Variants in SLC39A11 observed in about 807,000 individuals in gnomAD.
SLC39A11 encodes the protein solute carrier family 39 member 11, also known as zinc transporter ZIP11.
SLC39A11 carries 33 observed loss-of-function variants against 36.1 expected under a neutral mutation model. The observed-to-expected ratio is 0.91, with a 90% confidence interval of 0.69 to 1.22. The LOEUF (loss-of-function observed/expected upper bound fraction) is 1.22, where lower values mean the gene tolerates loss of function less well. Among genes scored for constraint, SLC39A11 ranks in the 50% most tolerant of loss-of-function variants. The pLI is 0.00. For missense variants in SLC39A11, 432 were observed against 430.3 expected (o/e 1.00, Z -0.03); for synonymous variants, 166 against 170.3 (o/e 0.97, Z 0.20).
chr17:72,744,044 C>T (rs971954670), intron 6 of SLC39A11, among the ~76,000 whole-genome samples: 2 of 152,224 alleles, frequency 1.3e-5, no homozygotes, highest in Non-Finnish European at 2.9e-5. Flanking sequence ...CTCCACCTCC[C>T]CATTGCCCTT....
At chr17:72,653,814 G>A (rs1209425183) in intron 7 of SLC39A11, among the ~76,000 whole-genome samples, 1 of 152,180 alleles carries the variant, frequency 6.6e-6, no homozygotes, top group Non-Finnish European at 1.5e-5. Context: ...TTTGTCCTGG[G>A]CAGCTGGGGA....
intron 4 of SLC39A11, among the ~76,000 whole-genome samples, chr17:73,000,395 T>C (rs1296060546): frequency 6.6e-6 from 1 of 152,084 alleles, no homozygotes; most frequent in African/African-American, 2.4e-5. Flanking sequence ...TCTCTGATGC[T>C]GGCTGACACA....
intron 5 of SLC39A11, among the ~76,000 whole-genome samples, chr17:72,901,439 C>T (rs1450402886): frequency 2.6e-5 from 4 of 152,170 alleles, no homozygotes; most frequent in African/African-American, 9.7e-5. Flanking sequence ...CATATAAAAT[C>T]AGGTGTGTCC....
chr17:73,040,368 A>G (rs1431037041), intron 3 of SLC39A11, among the ~76,000 whole-genome samples: 1 of 152,232 alleles, frequency 6.6e-6, no homozygotes, highest in Admixed American at 6.5e-5. Context: ...GTCTCTGAAT[A>G]AAAGGTACGC....
chr17:72,679,693 G>C (rs2071425495), intron 7 of SLC39A11, among the ~76,000 whole-genome samples: 2 of 152,244 alleles, frequency 1.3e-5, no homozygotes, highest in Non-Finnish European at 2.9e-5. Flanking sequence ...GTGGCAGGTG[G>C]AGGATGGCCT....
chr17:72,659,553 TTACACG>T (rs947399178), intron 7 of SLC39A11, among the ~76,000 whole-genome samples: 1 of 150,614 alleles, frequency 6.6e-6, no homozygotes, highest in Admixed American at 6.6e-5. Flanking sequence ...CCTATCTCTC[TTACACG>T]TGTCCTCTGT....
chr17:72,852,463 G>A (rs547274169), intron 5 of SLC39A11, among the ~76,000 whole-genome samples: 2 of 152,252 alleles, frequency 1.3e-5, no homozygotes, highest in East Asian at 1.9e-4. Flanking sequence ...TAACCAGCCT[G>A]TGGAGAATTC....
chr17:73,044,551 C>T (rs2059209384), intron 3 of SLC39A11, among the ~76,000 whole-genome samples: 1 of 152,100 alleles, frequency 6.6e-6, no homozygotes, highest in Non-Finnish European at 1.5e-5. Flanking sequence ...GACTTAGGGA[C>T]TAGGAGCTCT....
At chr17:72,874,259 C>G (rs2080784891) in intron 5 of SLC39A11, among the ~76,000 whole-genome samples, 1 of 152,130 alleles carries the variant, frequency 6.6e-6, no homozygotes, top group Non-Finnish European at 1.5e-5. Context: ...AAAGTAATCA[C>G]CTGGGACTGG....
intron 4 of SLC39A11, among the ~76,000 whole-genome samples, chr17:72,956,232 G>A (rs1168603315): frequency 1.3e-5 from 2 of 152,136 alleles, no homozygotes; most frequent in East Asian, 1.9e-4. Flanking sequence ...ACATAAGTAC[G>A]CCATTACTCA....
chr17:73,071,507 C>T (rs1159120858), intron 3 of SLC39A11, among the ~76,000 whole-genome samples: 1 of 152,152 alleles, frequency 6.6e-6, no homozygotes, highest in Non-Finnish European at 1.5e-5. Flanking sequence ...GTGGTGATCC[C>T]CTGGAAATCA....
intron 7 of SLC39A11, among the ~76,000 whole-genome samples, chr17:72,731,699 T>C (rs560398511): frequency 6.7e-6 from 1 of 149,486 alleles, no homozygotes; most frequent in Non-Finnish European, 1.5e-5. Context: ...GAACCCATAT[T>C]GGTGCATTCC....
intron 6 of SLC39A11, among the ~76,000 whole-genome samples, chr17:72,748,645 G>T (rs1224177743): frequency 3.3e-5 from 5 of 152,154 alleles, no homozygotes; most frequent in African/African-American, 1.2e-4. Context: ...GAAGGCATCT[G>T]GTTAAACACC....
chr17:72,830,622 T>G (rs2078240818), intron 6 of SLC39A11, among the ~76,000 whole-genome samples: 1 of 152,096 alleles, frequency 6.6e-6, no homozygotes, highest in East Asian at 1.9e-4. Context: ...GGGCACACTT[T>G]GGAACTACCA....
chr17:72,930,666 A>G (rs1327235546), intron 5 of SLC39A11, among the ~76,000 whole-genome samples: 2 of 152,200 alleles, frequency 1.3e-5, no homozygotes, highest in Non-Finnish European at 2.9e-5. Context: ...TCACAGAGGC[A>G]CTGAGAAGGG....
intron 5 of SLC39A11, among the ~76,000 whole-genome samples, chr17:72,897,086 G>GAA (rs1392845286): frequency 8.0e-6 from 1 of 125,192 alleles, no homozygotes; most frequent in African/African-American, 3.3e-5. Context: ...CAGAAAAACA[G>GAA]AAAAGTCCTC....
intron 3 of SLC39A11, among the ~76,000 whole-genome samples, chr17:73,065,031 A>AATAAAATTT (rs2059957885): frequency 6.6e-6 from 1 of 152,158 alleles, no homozygotes; most frequent in African/African-American, 2.4e-5. Context: ...AAATTTATAA[A>AATAAAATTT]ATGAGACAGA....
chr17:72,965,285 G>C (rs1484636912), intron 4 of SLC39A11, among the ~76,000 whole-genome samples: 5 of 151,810 alleles, frequency 3.3e-5, no homozygotes, highest in African/African-American at 9.7e-5. Flanking sequence ...CATCTCTAAA[G>C]GTTGAAAAAA....
chr17:73,024,786 C>T (rs2058473239), intron 4 of SLC39A11, among the ~76,000 whole-genome samples: 1 of 151,788 alleles, frequency 6.6e-6, no homozygotes, highest in African/African-American at 2.4e-5. Flanking sequence ...AAGCCTCCGC[C>T]TCTTAGGTTC....
Sources: allele counts gnomAD v4.1 joint callset (sites outside exome capture counted in the v4.1 genomes callset), GRCh38; gene constraint gnomAD v4.1.1; transcripts MANE v1.5; gene names NCBI Gene and HGNC (gene_info 2026-07-23, HGNC 2026-07-21).